RTL4: variants seen among roughly 807,000 people sequenced by gnomAD.
RTL4 encodes the protein retrotransposon Gag-like protein 4.
In RTL4, 4 loss-of-function variants were observed where a neutral mutation model predicts 5.3. That is an observed-to-expected ratio of 0.75 (90% CI 0.37 to 1.72). The LOEUF (loss-of-function observed/expected upper bound fraction) is 1.72, where lower values mean the gene tolerates loss of function less well. RTL4 is among the 40% of genes most tolerant of loss of function. The pLI is 0.04. For synonymous variants in RTL4, 98 were observed against 87.3 expected, an observed-to-expected ratio of 1.12 and a Z score of -0.68; for missense variants, 260 against 227.1, an observed-to-expected ratio of 1.14 and a Z score of -0.93.
chrX:112,095,054 A>G, the RTL4 span, among the ~76,000 whole-genome samples: 1 of 111,196 alleles, frequency 9.0e-6, no homozygotes, highest in South Asian at 3.8e-4. Flanking sequence ...GTAGAAAAGG[A>G]GAGGAGAAGG....
the RTL4 span, among the ~76,000 whole-genome samples, chrX:112,157,060 CTGTT>C: frequency 2.2e-4 from 20 of 89,577 alleles, no homozygotes; most frequent in Admixed American, 1.6e-3. Flanking sequence ...GTCTGTTATA[CTGTT>C]TGTGTGTGTG....
chrX:112,249,383 G>C, the RTL4 span, among the ~76,000 whole-genome samples: 1 of 110,934 alleles, frequency 9.0e-6, no homozygotes, highest in Non-Finnish European at 1.9e-5. Context: ...CTGAGTATCT[G>C]TGACGGCTAA....
At chrX:112,418,159 TAAAC>T in the RTL4 span, among the ~76,000 whole-genome samples, 1 of 111,175 alleles carries the variant, frequency 9.0e-6, no homozygotes, top group African/African-American at 3.3e-5. Flanking sequence ...AAAAAACAAA[TAAAC>T]AAATAAAATA....
chrX:112,161,562 A>C, the RTL4 span, among the ~76,000 whole-genome samples: 3 of 111,192 alleles, frequency 2.7e-5, no homozygotes, highest in Admixed American at 9.6e-5. Flanking sequence ...ATCTTGAGGG[A>C]TGCAGAGAAC....
the RTL4 span, among the ~76,000 whole-genome samples, chrX:112,312,832 CTCA>C: frequency 4.5e-5 from 5 of 111,481 alleles, no homozygotes; most frequent in South Asian, 1.9e-3. Flanking sequence ...CCAAACCTTT[CTCA>C]CAAATAGAGC....
the RTL4 span, among the ~76,000 whole-genome samples, chrX:112,444,800 T>C: frequency 8.9e-6 from 1 of 111,997 alleles, no homozygotes; most frequent in African/African-American, 3.2e-5. Flanking sequence ...TGACAGATAG[T>C]TGTTCATAGT....
the RTL4 span, among the ~76,000 whole-genome samples, chrX:112,128,390 G>A: frequency 1.8e-5 from 2 of 111,567 alleles, no homozygotes; most frequent in African/African-American, 3.3e-5. Context: ...GGGGCCCGGC[G>A]CGGTGGCTCA....
the RTL4 span, among the ~76,000 whole-genome samples, chrX:112,088,017 T>C: frequency 3.7e-5 from 4 of 109,531 alleles, no homozygotes; most frequent in Non-Finnish European, 7.6e-5. Flanking sequence ...TTTTTTGCCT[T>C]TTTTTTCCTT....
the RTL4 span, among the ~76,000 whole-genome samples, chrX:112,348,385 G>C: frequency 1.0e-5 from 1 of 99,636 alleles, no homozygotes; most frequent in Admixed American, 1.1e-4. Context: ...TTTTTTTTCT[G>C]TTTCATATCA....
chrX:112,088,780 C>T, the RTL4 span, among the ~76,000 whole-genome samples: 3 of 112,080 alleles, frequency 2.7e-5, no homozygotes, highest in Non-Finnish European at 3.8e-5. Context: ...TATCTCATTG[C>T]GGATTTGGTT....
the RTL4 span, among the ~76,000 whole-genome samples, chrX:112,273,315 G>A: frequency 4.6e-5 from 5 of 107,634 alleles, no homozygotes; most frequent in Non-Finnish European, 9.6e-5. Context: ...GTGCAGTGGC[G>A]TAATCTTGGC....
At chrX:112,311,129 G>C in the RTL4 span, among the ~76,000 whole-genome samples, 2 of 109,020 alleles carry the variant, frequency 1.8e-5, no homozygotes, top group East Asian at 5.7e-4. Context: ...CTTTGAAGTT[G>C]TTAGGAGTAG....
chrX:112,268,061 A>G, the RTL4 span, among the ~76,000 whole-genome samples: 2 of 111,150 alleles, frequency 1.8e-5, no homozygotes, highest in Non-Finnish European at 3.8e-5. Context: ...ATAACCCTCC[A>G]ATGGCTGCCA....
the RTL4 span, among the ~76,000 whole-genome samples, chrX:112,298,406 A>T: frequency 2.7e-5 from 3 of 111,956 alleles, no homozygotes; most frequent in Admixed American, 2.8e-4. Context: ...CTGCCTCTAA[A>T]CTAGATCCTG....
At chrX:112,087,768 A>G in the RTL4 span, among the ~76,000 whole-genome samples, 10 of 111,220 alleles carry the variant, frequency 9.0e-5, no homozygotes, top group African/African-American at 2.9e-4. Flanking sequence ...GGGGACAATG[A>G]CTCACAGTGT....
the RTL4 span, among the ~76,000 whole-genome samples, chrX:112,190,139 C>CCTTTCTTA: frequency 1.3e-5 from 1 of 77,130 alleles, no homozygotes; most frequent in African/African-American, 4.9e-5. Context: ...GTAGCCTGTC[C>CCTTTCTTA]CTTTCTTTCT....
chrX:112,133,564 A>G, the RTL4 span, among the ~76,000 whole-genome samples: 5 of 111,592 alleles, frequency 4.5e-5, no homozygotes, highest in African/African-American at 1.6e-4. Context: ...AAAACAGTTG[A>G]TCAAGAGAGC....
the RTL4 span, among the ~76,000 whole-genome samples, chrX:112,195,761 G>T: frequency 9.0e-6 from 1 of 111,209 alleles, no homozygotes; most frequent in African/African-American, 3.3e-5. Flanking sequence ...CTGATTCCTA[G>T]GATTTGTCTG....
At chrX:112,181,232 TTCAA>T in the RTL4 span, among the ~76,000 whole-genome samples, 1 of 111,400 alleles carries the variant, frequency 9.0e-6, no homozygotes, top group Admixed American at 9.5e-5. Context: ...GGCCCTGGGT[TTCAA>T]GCACAGAACT....
Sources: allele counts gnomAD v4.1 joint callset (sites outside exome capture counted in the v4.1 genomes callset), GRCh38; gene constraint gnomAD v4.1.1; transcripts MANE v1.5; gene names NCBI Gene and HGNC (gene_info 2026-07-23, HGNC 2026-07-21).